LMO7: variants seen among roughly 807,000 people sequenced by gnomAD.
The protein encoded by LMO7 is LIM domain 7, also known as LIM domain only protein 7.
A neutral mutation model predicts 206.5 loss-of-function variants in LMO7; 120 were observed. That is an observed-to-expected ratio of 0.58 (90% CI 0.50 to 0.68). The LOEUF (loss-of-function observed/expected upper bound fraction) is 0.68. Ranked by LOEUF, LMO7 falls within the 30% of genes least tolerant of loss-of-function variation. The pLI, the probability that LMO7 is intolerant of heterozygous loss-of-function variation, is 0.00. For synonymous variants in LMO7, 706 were observed against 681.5 expected, an observed-to-expected ratio of 1.04 and a Z score of -0.56; for missense variants, 1,959 against 1,957.9, an observed-to-expected ratio of 1.00 and a Z score of -0.01.
At chr13:75,653,712 T>A (rs1279559107) in intron 1 of LMO7, among the ~76,000 whole-genome samples, 1 of 152,184 alleles carries the variant, frequency 6.6e-6, no homozygotes, top group Admixed American at 6.5e-5. Context: ...TCAGGTATTT[T>A]GCAGTTAAAA....
At position 75,682,870 on chromosome 13, in the gene LMO7, T is replaced by C. The variant is rs1199872543; in HGVS notation, c.70-30312T>C. 2.6e-5 allele frequency among the ~76,000 whole-genome samples: 4 copies of C among 152,212 alleles called. No individual in the cohort carries two copies. The East Asian group carries it at 7.7e-4, about 29-fold the overall frequency. On this transcript the variant is annotated intron_variant, in intron 1 of 30. Transcript: ENST00000377534. ...CAAGGCTTATACTAAAAATTGAGTC[T>C]TTTTATTATACTATTGACATTGAGC...
chr13:75,802,156 A>G (rs1005094071), intron 7 of LMO7, among the ~76,000 whole-genome samples: 2 of 152,242 alleles, frequency 1.3e-5, no homozygotes, highest in Non-Finnish European at 2.9e-5. Context: ...TGTTTTCCAA[A>G]AAACCAATCA....
At chr13:75,830,856 T>C (rs1432688553) in intron 15 of LMO7, among the ~76,000 whole-genome samples, 2 of 152,184 alleles carry the variant, frequency 1.3e-5, no homozygotes, top group African/African-American at 2.4e-5. Flanking sequence ...TTTGAGAGTA[T>C]TTATTAAGAC....
At chr13:75,842,985 C>G in intron 25 of LMO7, 69 bp downstream of exon 25, 1 of 989,646 alleles carries the variant, frequency 1.0e-6, no homozygotes, top group Non-Finnish European at 1.6e-6. Context: ...GAGCTTGCAT[C>G]GATGATTTGT....
intron 11 of LMO7, among the ~76,000 whole-genome samples, chr13:75,815,458 A>G (rs1021386346): frequency 6.6e-6 from 1 of 152,156 alleles, no homozygotes; most frequent in Non-Finnish European, 1.5e-5. Context: ...ACCTTTACTG[A>G]TATAAGGAGA....
chr13:75,684,166 G>C (rs558121011), intron 1 of LMO7, among the ~76,000 whole-genome samples: 1 of 152,096 alleles, frequency 6.6e-6, no homozygotes, highest in Non-Finnish European at 1.5e-5. Context: ...GGTTGGGGGC[G>C]GCCTTAGAAT....
intron 4 of LMO7, among the ~76,000 whole-genome samples, chr13:75,772,827 C>T (rs973416558): frequency 1.3e-5 from 2 of 152,042 alleles, no homozygotes; most frequent in African/African-American, 2.4e-5. Flanking sequence ...GTGCTTTAAA[C>T]AAGTGCTTCT....
intron 1 of LMO7, among the ~76,000 whole-genome samples, chr13:75,648,299 A>G (rs974747479): frequency 6.6e-6 from 1 of 152,040 alleles, no homozygotes; most frequent in East Asian, 1.9e-4. Flanking sequence ...AAAAGGTATT[A>G]TTATTTTTAA....
At chr13:75,760,498 C>A in intron 3 of LMO7, 1 of 1,279,502 alleles carries the variant, frequency 7.8e-7, no homozygotes, top group Non-Finnish European at 9.9e-7. Flanking sequence ...CTTATTTCTT[C>A]CCTGCCAACA....
chr13:75,850,561 T>A (rs1566618138), intron 27 of LMO7, among the ~76,000 whole-genome samples: 1 of 152,194 alleles, frequency 6.6e-6, no homozygotes, highest in African/African-American at 2.4e-5. Flanking sequence ...GAACACTATA[T>A]GACTATTGAA....
intron 1 of LMO7, among the ~76,000 whole-genome samples, chr13:75,667,742 T>G (rs1443358337): frequency 1.3e-5 from 2 of 152,224 alleles, no homozygotes; most frequent in Non-Finnish European, 2.9e-5. Flanking sequence ...TTAGGATCAC[T>G]GGAACATCTT....
At chr13:75,700,560 TC>T (rs1353580817) in intron 1 of LMO7, among the ~76,000 whole-genome samples, 1 of 152,250 alleles carries the variant, frequency 6.6e-6, no homozygotes, top group Non-Finnish European at 1.5e-5. Flanking sequence ...TTTCACCTTT[TC>T]ACTTAAAGGG....
intron 2 of LMO7, among the ~76,000 whole-genome samples, chr13:75,623,511 A>G (rs9544007): frequency 2.6e-5 from 4 of 151,528 alleles, no homozygotes; most frequent in Non-Finnish European, 5.9e-5. Context: ...TTACAGGTGT[A>G]TGCCACCATA....
chr13:75,698,009 A>T (rs938842332), intron 1 of LMO7, among the ~76,000 whole-genome samples: 1 of 152,194 alleles, frequency 6.6e-6, no homozygotes, highest in Non-Finnish European at 1.5e-5. Context: ...AACCCATTTA[A>T]TGTGGCCCTC....
chr13:75,647,951 C>CTTTTTTTTTTTTTTTTTTTTTTTTT (rs570513211), intron 1 of LMO7, among the ~76,000 whole-genome samples: 23 of 91,120 alleles, frequency 2.5e-4, no homozygotes, highest in South Asian at 9.0e-4. Context: ...TCTTTTCTTT[C>CTTTTTTTTTTTTTTTTTTTTTTTTT]TTTTTTTTTT....
intron 1 of LMO7, among the ~76,000 whole-genome samples, chr13:75,670,387 A>G (rs571266215): frequency 1.3e-5 from 2 of 152,284 alleles, no homozygotes; most frequent in South Asian, 4.2e-4. Flanking sequence ...AATGTGTCAT[A>G]TAGGCTATTT....
At chr13:75,675,381 A>G (rs1240163588) in intron 1 of LMO7, among the ~76,000 whole-genome samples, 2 of 152,142 alleles carry the variant, frequency 1.3e-5, no homozygotes, top group African/African-American at 2.4e-5. Flanking sequence ...GCCTGTTACA[A>G]CATATTTCTA....
chr13:75,793,600 A>G (rs2053601261), intron 4 of LMO7, among the ~76,000 whole-genome samples: 1 of 152,048 alleles, frequency 6.6e-6, no homozygotes, highest in Non-Finnish European at 1.5e-5. Flanking sequence ...TTATAAGATA[A>G]TTTTCTTTTT....
intron 1 of LMO7, among the ~76,000 whole-genome samples, chr13:75,648,760 A>G (rs2037284215): frequency 1.3e-5 from 2 of 152,204 alleles, no homozygotes; most frequent in South Asian, 4.1e-4. Flanking sequence ...TCAATCTATC[A>G]AAAGCATCAG....
Sources: gnomAD v4.1 joint callset for allele counts (sites outside exome capture counted in the v4.1 genomes callset) on GRCh38, gnomAD v4.1.1 for gene constraint, MANE v1.5 for transcripts, NCBI Gene and HGNC (gene_info 2026-07-23, HGNC 2026-07-21) for gene names.